SPATA13: variants seen among roughly 807,000 people sequenced by gnomAD.
SPATA13 encodes the protein spermatogenesis-associated protein 13.
A neutral mutation model predicts 104.0 loss-of-function variants in SPATA13; 50 were observed. The ratio of observed to expected loss-of-function variants is 0.48; its 90% CI spans 0.38 to 0.61. The LOEUF (loss-of-function observed/expected upper bound fraction) is 0.61, where lower values mean the gene tolerates loss of function less well. SPATA13 is among the 20% of genes least tolerant of loss of function. The pLI, the probability that SPATA13 is intolerant of heterozygous loss-of-function variation, is 0.00. For missense variants in SPATA13, 1,524 were observed against 1,690.6 expected (o/e 0.90, Z 1.73); for synonymous variants, 606 against 667.5 (o/e 0.91, Z 1.42).
intron 3 of SPATA13, among the ~76,000 whole-genome samples, chr13:24,057,187 C>T (rs751935033): frequency 5.9e-5 from 9 of 151,898 alleles, no homozygotes; most frequent in East Asian, 1.9e-4. Flanking sequence ...CCCACTAACT[C>T]GCCATTTAAC....
intron 2 of SPATA13, among the ~76,000 whole-genome samples, chr13:24,244,895 T>G (rs141409560): frequency 6.6e-6 from 1 of 152,256 alleles, no homozygotes; most frequent in African/African-American, 2.4e-5. Context: ...GAAGCAAGAG[T>G]TAAAAGGGCA....
intron 9 of SPATA13, among the ~76,000 whole-genome samples, chr13:24,291,303 C>T (rs1876332070): frequency 6.6e-6 from 1 of 152,186 alleles, no homozygotes; most frequent in Non-Finnish European, 1.5e-5. Flanking sequence ...TACAGCAGCT[C>T]GGCTCAGAGC....
At chr13:24,076,960 C>T (rs1468994286) in intron 3 of SPATA13, among the ~76,000 whole-genome samples, 1 of 151,948 alleles carries the variant, frequency 6.6e-6, no homozygotes, top group Non-Finnish European at 1.5e-5. Flanking sequence ...GACAGGCTTT[C>T]CAGGGGGATA....
upstream of SPATA13, among the ~76,000 whole-genome samples, chr13:24,158,201 A>G (rs1156426620): frequency 1.3e-5 from 2 of 152,212 alleles, no homozygotes; most frequent in South Asian, 2.1e-4. Flanking sequence ...TTGAGTACCA[A>G]AAGATCAGCA....
chr13:24,069,115 G>T (rs1185565097), intron 3 of SPATA13, among the ~76,000 whole-genome samples: 1 of 151,922 alleles, frequency 6.6e-6, no homozygotes, highest in East Asian at 1.9e-4. Flanking sequence ...GCTCTTTTTT[G>T]ATTTCATATG....
chr13:24,157,460 G>T (rs1016930196), upstream of SPATA13, among the ~76,000 whole-genome samples: 1 of 152,018 alleles, frequency 6.6e-6, no homozygotes, highest in African/African-American at 2.4e-5. Flanking sequence ...CACCACGCCC[G>T]GCTAATTTTT....
chr13:24,148,916 G>A (rs1882016764), intron 3 of SPATA13, among the ~76,000 whole-genome samples: 1 of 134,212 alleles, frequency 7.5e-6, no homozygotes, highest in Non-Finnish European at 1.5e-5. Flanking sequence ...TTCCATGAGT[G>A]TTTGTTTATA....
intron 2 of SPATA13, among the ~76,000 whole-genome samples, chr13:23,984,283 T>G (rs1875046358): frequency 6.6e-6 from 1 of 152,232 alleles, no homozygotes; most frequent in African/African-American, 2.4e-5. Flanking sequence ...CCACAGAAGT[T>G]TCGGTATTCA....
At chr13:24,056,123 G>A (rs1450339400) in intron 3 of SPATA13, among the ~76,000 whole-genome samples, 1 of 152,150 alleles carries the variant, frequency 6.6e-6, no homozygotes, top group Non-Finnish European at 1.5e-5. Flanking sequence ...GGGATGAAGG[G>A]CACCCCTCAG....
intron 3 of SPATA13, among the ~76,000 whole-genome samples, chr13:24,067,740 T>A (rs969915265): frequency 1.3e-5 from 2 of 152,220 alleles, no homozygotes; most frequent in African/African-American, 4.8e-5. Context: ...AGTCTCACTC[T>A]GTCGCCTAGG....
At chr13:24,135,888 C>T (rs1881549414) in intron 3 of SPATA13, among the ~76,000 whole-genome samples, 1 of 152,080 alleles carries the variant, frequency 6.6e-6, no homozygotes, top group Non-Finnish European at 1.5e-5. Flanking sequence ...CTGAGGCAGG[C>T]ATATTAGCCT....
At chr13:24,242,543 G>A (rs984182133) in intron 2 of SPATA13, among the ~76,000 whole-genome samples, 1 of 152,120 alleles carries the variant, frequency 6.6e-6, no homozygotes, top group South Asian at 2.1e-4. Flanking sequence ...TAACTATCTC[G>A]CTTGCTCTTA....
In SPATA13 at chr13:24,303,203, C is replaced by A. The variant is rs557112894; in HGVS notation, c.*430C>A. Reference sequence around the variant, plus strand: ...TTCTGCATTTGATTTTCAAGGATGCCGTCAAGACGGGGTTGACACAATGCT... The same window carrying A: ...TTCTGCATTTGATTTTCAAGGATGCAGTCAAGACGGGGTTGACACAATGCT... On this transcript the variant is annotated 3_prime_UTR_variant, in exon 13 of 13. Transcript: ENST00000382108. The A allele has an allele frequency of 2.5e-6, 1 of 404,116 alleles. No homozygotes were observed. The highest frequency in any genetic ancestry group is 4.9e-6 in the Non-Finnish European group (1 of 202,672). The allele number at this position is 404,116 out of a possible 1,614,324, so 25.0% of individuals were successfully genotyped here. A position where few individuals can be genotyped will look rare whatever the true frequency, so the allele number is the denominator to read the frequency against.
intron 7 of SPATA13, among the ~76,000 whole-genome samples, chr13:24,287,817 G>A (rs1276563875): frequency 6.6e-6 from 1 of 152,210 alleles, no homozygotes; most frequent in Non-Finnish European, 1.5e-5. Context: ...GTGGTATTTT[G>A]TGCTTCTATG....
At chr13:24,110,050 C>T (rs1250548288) in intron 3 of SPATA13, among the ~76,000 whole-genome samples, 1 of 149,244 alleles carries the variant, frequency 6.7e-6, no homozygotes, top group Admixed American at 6.8e-5. Context: ...AATTTGGCAG[C>T]GGGACATGTC....
At chr13:24,112,553 T>TACAC (rs3075291) in intron 3 of SPATA13, among the ~76,000 whole-genome samples, 17 of 150,128 alleles carry the variant, frequency 1.1e-4, no homozygotes, top group Admixed American at 2.6e-4. Context: ...GTGCCAGGCA[T>TACAC]ACACACACAC....
chr13:24,247,415 A>C (rs1873199318), intron 2 of SPATA13, among the ~76,000 whole-genome samples: 1 of 151,124 alleles, frequency 6.6e-6, no homozygotes, highest in African/African-American at 2.4e-5. Context: ...TCCTGATTTG[A>C]AAAATGAGTG....
chr13:24,058,854 G>A (rs975866873), intron 3 of SPATA13, among the ~76,000 whole-genome samples: 6 of 151,898 alleles, frequency 4.0e-5, no homozygotes, highest in East Asian at 1.9e-4. Context: ...AGTTGTCTTT[G>A]AACATCACCT....
rs189931893 is a variant in SPATA13, at chr13:24,048,744, C to G, written c.-112+31043C>G. 4.1e-4 allele frequency among the ~76,000 whole-genome samples: 63 copies of G among 152,144 alleles called. 1 individual carries two copies. Among genetic ancestry groups the G allele is most frequent in the African/African-American group, 1.5e-3 (61 of 41,526 alleles). The stretch of plus-strand genomic sequence containing the variant: ...GAACCGTTTAATATCAGAGTGCACT[C>G]TCATAAAGTGTCCCTAAAGCAAAGG... On this transcript the variant is annotated intron_variant, in intron 3 of 14. Coordinates refer to the SPATA13 transcript ENST00000424834.
Sources: allele counts gnomAD v4.1 joint callset (sites outside exome capture counted in the v4.1 genomes callset), GRCh38; gene constraint gnomAD v4.1.1; transcripts MANE v1.5; gene names NCBI Gene and HGNC (gene_info 2026-07-23, HGNC 2026-07-21).